NOL4: variants seen among roughly 807,000 people sequenced by gnomAD.
The protein encoded by NOL4 is cancer/testis antigen 125.
NOL4 carries 17 observed loss-of-function variants against 75.9 expected under a neutral mutation model. The observed-to-expected ratio is 0.22, with a 90% CI of 0.15 to 0.34. The LOEUF (loss-of-function observed/expected upper bound fraction) is 0.34, where lower values mean the gene tolerates loss of function less well. Among genes scored for constraint, NOL4 ranks in the 10% least tolerant of loss-of-function variants. NOL4 has a pLI of 1.00. For synonymous variants in NOL4, 292 were observed against 289.9 expected, an observed-to-expected ratio of 1.01 and a Z score of -0.07; for missense variants, 614 against 793.5, an observed-to-expected ratio of 0.77 and a Z score of 2.72.
intron 1 of NOL4, among the ~76,000 whole-genome samples, chr18:34,211,917 T>C (rs1172088630): frequency 6.6e-6 from 1 of 152,156 alleles, no homozygotes; most frequent in Non-Finnish European, 1.5e-5. Context: ...TAGGTAGATC[T>C]TCTTCAAAAT....
chr18:33,852,981 C>A lies in NOL4; in HGVS notation c.1778G>T (p.Ser593Ile), dbSNP rs761209148. The change falls in exon 11 of 11, where the codon AGC becomes ATC. Residue 593 changes from serine to isoleucine, a missense_variant. Around this residue, in one of 9 missense-constraint regions of NOL4, gnomAD observed 128 missense variants for 159.9 expected, o/e 0.80. Transcript: ENST00000261592. ...RQLATSSGSSSSSNSRPQLSP... is the reference protein window; with the variant it reads ...RQLATSSGSSISSNSRPQLSP... ...CAGCTGGGGTCTGGAGTTTGAGCTG[C>A]TGGAGGATCCTGAGCTAGTCGCCAA... is the stretch of plus-strand genomic sequence containing the variant. The A allele has an allele frequency of 6.2e-7, 1 of 1,613,084 alleles. No individual in the cohort carries two copies. The highest frequency in any genetic ancestry group is 1.1e-5 in the South Asian group (1 of 91,060).
chr18:33,936,058 T>C (rs2068035519), intron 9 of NOL4, among the ~76,000 whole-genome samples: 1 of 152,134 alleles, frequency 6.6e-6, no homozygotes, highest in Non-Finnish European at 1.5e-5. Context: ...TTAAAGTTTA[T>C]AAATGTTATA....
At position 34,146,547 on chromosome 18, in the gene NOL4, G is replaced by A. The variant is rs545483794; in HGVS notation, c.265-16527C>T. 3.3e-5 allele frequency among the ~76,000 whole-genome samples: 5 copies of A among 152,030 alleles called. No individual in the cohort carries two copies. In the South Asian group the frequency reaches 1.0e-3, roughly 32 times the overall value. On this transcript the variant is annotated intron_variant, in intron 1 of 10. Coordinates refer to ENST00000261592, the MANE Select transcript of NOL4 (RefSeq NM_003787.5). ...GATCAGATGGTTGTAGATGCGTGGC[G>A]TTATTTCTGAGGCCTCTGTTCTGTT...
chr18:34,068,826 T>A (rs2077391877), intron 5 of NOL4, among the ~76,000 whole-genome samples: 1 of 152,190 alleles, frequency 6.6e-6, no homozygotes, highest in Non-Finnish European at 1.5e-5. Context: ...ACTGACTAGA[T>A]TTAAAAAGCT....
chr18:33,946,530 T>A lies in NOL4; in HGVS notation c.1429-3352A>T, dbSNP rs1003834515. 2.0e-5 allele frequency among the ~76,000 whole-genome samples: 3 copies of A among 151,766 alleles called. No individual in the cohort carries two copies. The East Asian group carries it at 5.8e-4, about 29-fold the overall frequency. On this transcript the variant is annotated intron_variant, in intron 8 of 10. Coordinates refer to ENST00000261592, the MANE Select transcript of NOL4 (RefSeq NM_003787.5). ...AAGTCTGATGATGAATTGGGAGTTATAATCCCTAGTGAACTATTATTCACA... is the reference window on the plus strand; with the variant it reads ...AAGTCTGATGATGAATTGGGAGTTAAAATCCCTAGTGAACTATTATTCACA...
chr18:34,074,319 G>GA (rs1181729451), intron 5 of NOL4, among the ~76,000 whole-genome samples: 1 of 151,070 alleles, frequency 6.6e-6, no homozygotes, highest in African/African-American at 2.4e-5. Flanking sequence ...TAGAATTTTT[G>GA]AAAAATACAA....
intron 1 of NOL4, among the ~76,000 whole-genome samples, chr18:34,194,171 TA>T (rs1220084043): frequency 6.6e-5 from 10 of 152,218 alleles, no homozygotes; most frequent in Non-Finnish European, 1.0e-4. Flanking sequence ...TGACTACAGT[TA>T]AAAAATGTAT....
At chr18:34,195,188 G>T (rs533160240) in intron 1 of NOL4, among the ~76,000 whole-genome samples, 65 of 152,026 alleles carry the variant, frequency 4.3e-4, no homozygotes, top group Non-Finnish European at 8.5e-4. Flanking sequence ...ATTTTCAAAT[G>T]AATTACCCAA....
intron 8 of NOL4, among the ~76,000 whole-genome samples, chr18:33,950,570 A>G (rs1020529147): frequency 1.3e-5 from 2 of 152,160 alleles, no homozygotes; most frequent in African/African-American, 4.8e-5. Flanking sequence ...TGTGGGTGAT[A>G]CAGAGATGAA....
intron 9 of NOL4, among the ~76,000 whole-genome samples, chr18:33,932,059 C>T (rs2067727737): frequency 1.3e-5 from 2 of 152,066 alleles, no homozygotes; most frequent in Non-Finnish European, 2.9e-5. Context: ...TTAGCTCTTG[C>T]ATTCATGTTG....
At chr18:33,940,445 C>T (rs1254153276) in intron 9 of NOL4, among the ~76,000 whole-genome samples, 1 of 152,046 alleles carries the variant, frequency 6.6e-6, no homozygotes, top group Non-Finnish European at 1.5e-5. Context: ...CCAACTAACA[C>T]AAGAACAGCA....
intron 1 of NOL4, among the ~76,000 whole-genome samples, chr18:34,220,340 T>C (rs1477583665): frequency 1.3e-5 from 2 of 152,198 alleles, no homozygotes; most frequent in African/African-American, 2.4e-5. Flanking sequence ...AGTGGATTAC[T>C]GCAACATCAG....
chr18:34,099,374 A>AAAAAAAAAAAAAAAAAAAAAAAAAAAAC (rs2078938843), intron 4 of NOL4, among the ~76,000 whole-genome samples: 1 of 150,086 alleles, frequency 6.7e-6, no homozygotes, highest in Non-Finnish European at 1.5e-5. Flanking sequence ...AAAAAAAAAA[A>AAAAAAAAAAAAAAAAAAAAAAAAAAAAC]AAAGACAACT....
chr18:34,149,862 A>G (rs1260165104), intron 1 of NOL4, among the ~76,000 whole-genome samples: 1 of 151,702 alleles, frequency 6.6e-6, no homozygotes, highest in Non-Finnish European at 1.5e-5. Flanking sequence ...TATAGTACGT[A>G]ATCAGCAAAT....
rs376598083 is a variant in NOL4, at chr18:34,034,450, A to G, written c.773-14849T>C. On this transcript the variant is annotated intron_variant, in intron 5 of 10. Coordinates refer to ENST00000261592, the MANE Select transcript of NOL4 (RefSeq NM_003787.5). Reference sequence around the variant, plus strand: ...AAAGATATTCCACACAAGAAAACCAAAAGGGAAGCCAGACACGGTGGCTCA... The same window carrying G: ...AAAGATATTCCACACAAGAAAACCAGAAGGGAAGCCAGACACGGTGGCTCA... Among the ~76,000 whole-genome samples the G allele has an allele frequency of 1.3e-4, 20 of 152,280 alleles. No homozygotes were observed. In the East Asian group the frequency reaches 1.9e-3, roughly 15 times the overall value.
At chr18:34,068,796 A>G (rs888784919) in intron 5 of NOL4, among the ~76,000 whole-genome samples, 2 of 152,230 alleles carry the variant, frequency 1.3e-5, no homozygotes, top group African/African-American at 4.8e-5. Flanking sequence ...ATTGCAATAC[A>G]ACATCCTCTC....
chr18:34,092,679 T>A (rs2078583999), intron 5 of NOL4, among the ~76,000 whole-genome samples: 1 of 152,178 alleles, frequency 6.6e-6, no homozygotes, highest in African/African-American at 2.4e-5. Flanking sequence ...AATACACAAA[T>A]TTTGAATATA....
chr18:33,976,330 G>A (rs981750444), intron 6 of NOL4, among the ~76,000 whole-genome samples: 1 of 152,120 alleles, frequency 6.6e-6, no homozygotes, highest in African/African-American at 2.4e-5. Flanking sequence ...CAAAAGCAAT[G>A]CATTTTATTT....
intron 5 of NOL4, among the ~76,000 whole-genome samples, chr18:34,024,194 A>AAATATATAT: frequency 4.2e-5 from 3 of 70,698 alleles, no homozygotes; most frequent in Admixed American, 1.3e-4. Context: ...AAAAAAAAAA[A>AAATATATAT]ATATATATAT....
Sources: gnomAD v4.1 joint callset for allele counts (sites outside exome capture counted in the v4.1 genomes callset) on GRCh38, gnomAD v4.1.1 for gene constraint, gnomAD v4.1.1 regional missense constraint, MANE v1.5 for transcripts, NCBI Gene and HGNC (gene_info 2026-07-23, HGNC 2026-07-21) for gene names.